POLDIP2: variants seen among roughly 807,000 people sequenced by gnomAD.
POLDIP2 encodes DNA polymerase delta interacting protein 2.
In POLDIP2, 32 loss-of-function variants were observed where a neutral mutation model predicts 52.9. The ratio of observed to expected loss-of-function variants is 0.61; its 90% CI spans 0.46 to 0.81. POLDIP2 has a LOEUF of 0.81. Ranked by LOEUF, POLDIP2 falls within the 40% of genes least tolerant of loss-of-function variation. The pLI is 0.00. For missense variants in POLDIP2, 371 were observed against 477.3 expected, an observed-to-expected ratio of 0.78 and a Z score of 2.07; for synonymous variants, 183 against 183.0, an observed-to-expected ratio of 1.00 and a Z score of 0.00.
chr17:28,349,185 G>A lies in POLDIP2; in HGVS notation c.913-23C>T. On this transcript the variant is annotated intron_variant, in intron 9 of 10. Transcript: ENST00000540200. ...TTCCTGTAAAGGTTTAGGCAAAATG[G>A]GTCAGGCCAAGCCCCAGGGACATGT... is the stretch of plus-strand genomic sequence containing the variant. The A allele has an allele frequency of 2.5e-6, 4 of 1,585,632 alleles. No homozygotes were observed. The South Asian group carries it at 4.5e-5, about 18-fold the overall frequency.
Position 28,350,464 on chromosome 17 carries a change from C to T in POLDIP2, c.886G>A (p.Val296Met). Residue 296 changes from valine (V) to methionine (M), a missense_variant, in exon 9 of 11, where the codon GTG (valine) becomes ATG (methionine). By Grantham distance (21) the Val-to-Met change is conservative. Transcript: ENST00000540200. ...IFSLSGTLET[V>M]RGRGVVGREP... is the part of the protein sequence containing the mutation. ...CTGCCCACTACCCCTCGGCCTCGCA[C>T]TGTCTCCAAGGTGCCAGAGAGACTG... The T allele has an allele frequency of 6.2e-7, 1 of 1,612,262 alleles. No homozygotes were observed. The highest frequency in any genetic ancestry group is 8.5e-7 in the Non-Finnish European group (1 of 1,179,160).
Position 28,354,728 on chromosome 17 carries a change from C to A in POLDIP2, c.244-143G>T, listed in dbSNP as rs927462798. 8.4e-5 allele frequency: 55 copies of A among 653,464 alleles called. No homozygotes were observed. The Admixed American group carries it at 9.4e-4, about 11-fold the overall frequency. 40.5% of individuals were successfully genotyped at this position (653,464 alleles called of 1,614,324 possible). On this transcript the variant is annotated intron_variant, in intron 2 of 10. Transcript: ENST00000540200. ...CCCTTGAAGTCTGTGATCAACCAGA[C>A]CAATGCTGGAACACTCTTATTTCTT...
At position 28,352,237 on chromosome 17, in the gene POLDIP2, C is replaced by CT. The variant is rs782311219; in HGVS notation, c.623-438dup. Among the ~76,000 whole-genome samples the CT allele has an allele frequency of 4.6e-3, 399 of 87,650 alleles. 24 individuals carry two copies. Among genetic ancestry groups the CT allele is most frequent in the Non-Finnish European group, 4.3e-3 (213 of 49,244 alleles). 57.5% of individuals were successfully genotyped at this position (87,650 alleles called of 152,430 possible). ...TGGAAATAGAGCGTTGGAATTATTT[C>CT]TTTTTTTTTTTTTTTTTTGGAGACG... On this transcript the variant is annotated intron_variant, in intron 6 of 10. Transcript: ENST00000540200.
At chr17:28,350,921 G>C (rs1343439013) in intron 7 of POLDIP2, 129 bp from the exon 8 acceptor site, 9 of 778,618 alleles carry the variant, frequency 1.2e-5, no homozygotes, top group Non-Finnish European at 2.0e-5. Flanking sequence ...GTATCTGTGG[G>C]ATAAGGGTGA....
chr17:28,356,487 T>G (rs868943378), intron 1 of POLDIP2, among the ~76,000 whole-genome samples: 2 of 152,268 alleles, frequency 1.3e-5, no homozygotes, highest in Middle Eastern at 3.4e-3. Flanking sequence ...CTGTAGCCCT[T>G]ACATTGCCCT....
Position 28,351,819 on chromosome 17 carries a change from G to T in POLDIP2, c.623-19C>A. The T allele has an allele frequency of 6.2e-7, 1 of 1,610,630 alleles. No homozygotes were observed. The highest frequency in any genetic ancestry group is 8.5e-7 in the Non-Finnish European group (1 of 1,177,140). ...GGAGGTGCTGGGGCAAGATACAATT[G>T]GTTAGTCCAATTGTGTGTTGTGGAT... On this transcript the variant is annotated intron_variant, in intron 6 of 10. Coordinates refer to ENST00000540200, the MANE Select transcript of POLDIP2 (RefSeq NM_015584.5).
chr17:28,354,427 T>G, intron 3 of POLDIP2, 61 bp downstream of exon 3: 1 of 1,181,454 alleles, frequency 8.5e-7, no homozygotes, highest in South Asian at 1.3e-5. Context: ...AGTACCCCAA[T>G]TACATATGTC....
Position 28,350,565 on chromosome 17 carries a change from T to G in POLDIP2, c.787-2A>C. 6.2e-7 allele frequency: 1 copy of G among 1,612,158 alleles called. No individual in the cohort carries two copies. The highest frequency in any genetic ancestry group is 8.5e-7 in the Non-Finnish European group (1 of 1,179,162). ...CTCCAAACGGATACAGTAGCGCCAC[T>G]GAGGTGGGTGTGGGAGAGAGAGTTT... On this transcript the variant is annotated splice_acceptor_variant, in intron 8 of 10. Coordinates refer to ENST00000540200, the MANE Select transcript of POLDIP2 (RefSeq NM_015584.5). LOFTEE classifies it high-confidence loss of function.
chr17:28,353,521 A>C (rs1014358325), intron 4 of POLDIP2, among the ~76,000 whole-genome samples, 174 bp downstream of exon 4: 5 of 46,360 alleles, frequency 1.1e-4, no homozygotes, highest in Non-Finnish European at 1.6e-4. Context: ...ACTCCATATC[A>C]AAAAAAAAAA....
intron 4 of POLDIP2, 39 bp from the exon 5 acceptor site, chr17:28,353,355 T>A: frequency 8.7e-7 from 1 of 1,148,782 alleles, no homozygotes; most frequent in Non-Finnish European, 1.3e-6. Context: ...ACCATGTCTC[T>A]GCTAAAAAGT....
intron 1 of POLDIP2, among the ~76,000 whole-genome samples, chr17:28,356,283 G>A (rs1908024948): frequency 1.3e-5 from 2 of 151,598 alleles, no homozygotes; most frequent in Admixed American, 1.3e-4. Context: ...TATATCACAA[G>A]TCATCAAACA....
chr17:28,351,512 T>A (rs1209138293), intron 7 of POLDIP2, among the ~76,000 whole-genome samples, 152 bp downstream of exon 7: 1 of 152,162 alleles, frequency 6.6e-6, no homozygotes, highest in Non-Finnish European at 1.5e-5. Flanking sequence ...GTCTAGAGGC[T>A]ACTCAACCCC....
Position 28,347,303 on chromosome 17 carries a change from T to C in POLDIP2, c.*814A>G, listed in dbSNP as rs540207132. 2.0e-5 allele frequency: 3 copies of C among 152,346 alleles called. No homozygotes were observed. Among genetic ancestry groups the C allele is most frequent in the African/African-American group, 4.8e-5 (2 of 41,576 alleles). 9.4% of individuals were successfully genotyped at this position (152,346 alleles called of 1,614,324 possible). On this transcript the variant is annotated 3_prime_UTR_variant, in exon 11 of 11. Transcript: ENST00000540200. ...TGCAGCACAATTCATCTCTGGCTCT[T>C]GGAAATCTGAGAGAAGCTCAGGAAG...
chr17:28,350,723 G>A (rs1489651393), intron 8 of POLDIP2, 43 bp downstream of exon 8: 3 of 1,589,438 alleles, frequency 1.9e-6, no homozygotes, highest in African/African-American at 2.7e-5. Context: ...TGACCCCCAG[G>A]CACACCCCAC....
In POLDIP2 at chr17:28,353,318, T is replaced by A; in HGVS notation, c.439-2A>T. On this transcript the variant is annotated splice_acceptor_variant, in intron 4 of 10. Transcript: ENST00000540200. LOFTEE classifies it high-confidence loss of function. The stretch of plus-strand genomic sequence containing the variant: ...AGCTTCTGTCTGAGATCTCTGAGAC[T>A]AAGGCAAGAAGTGAATCAGTGGTGA... 6.4e-7 allele frequency: 1 copy of A among 1,554,066 alleles called. No individual in the cohort carries two copies. The highest frequency in any genetic ancestry group is 8.9e-7 in the Non-Finnish European group (1 of 1,129,318).
rs116183869 is a variant in POLDIP2 at position 28,350,852 on chromosome 17, A to C, written c.760-60T>G. 3 of 1,365,142 alleles carry C rather than the reference A, an allele frequency of 2.2e-6. No individual in the cohort carries two copies. The South Asian group carries it at 3.7e-5, about 17-fold the overall frequency. 84.6% of individuals were successfully genotyped at this position (1,365,142 alleles called of 1,614,324 possible). On this transcript the variant is annotated intron_variant, in intron 7 of 10. Coordinates refer to ENST00000540200, the MANE Select transcript of POLDIP2 (RefSeq NM_015584.5). ...GGGCAAGACCAAGTGTGTTCCAATC[A>C]ACATCTCTCCAGTGCAGTTGATGTA... is the stretch of plus-strand genomic sequence containing the variant.
At position 28,347,983 on chromosome 17, in the gene POLDIP2, A is replaced by C. The variant is rs1555579263; in HGVS notation, c.*134T>G. 3.2e-6 allele frequency: 2 copies of C among 628,818 alleles called. No homozygotes were observed. The highest frequency in any genetic ancestry group is 1.8e-5 in the African/African-American group (1 of 54,168). 39.0% of individuals were successfully genotyped at this position (628,818 alleles called of 1,614,324 possible). A position where few individuals can be genotyped will look rare whatever the true frequency, so the allele number is the denominator to read the frequency against. On this transcript the variant is annotated 3_prime_UTR_variant, in exon 11 of 11. Coordinates refer to ENST00000540200, the MANE Select transcript of POLDIP2 (RefSeq NM_015584.5). ...AAGAAAAGTTATACCACCCCTCCCC[A>C]CAAAAAGAACCCCACAATCAAATTA...
In POLDIP2 at chr17:28,346,707, C is replaced by G. The variant is rs1172338441; in HGVS notation, c.*1410G>C. The G allele has an allele frequency of 1.3e-5, 2 of 152,174 alleles. No individual in the cohort carries two copies. The highest frequency in any genetic ancestry group is 1.3e-4 in the Admixed American group (2 of 15,274). 9.4% of individuals were successfully genotyped at this position (152,174 alleles called of 1,614,324 possible). ...TTCTTTGAAAGTTTCCAGCCCTATT[C>G]AGAAAGCAACTCTTGGCTGTGTGCA... On this transcript the variant is annotated 3_prime_UTR_variant, in exon 11 of 11. Transcript: ENST00000540200.
Position 28,355,799 on chromosome 17 carries a change from C to T in POLDIP2, c.239G>A (p.Gly80Glu). ...ATGACCCAGCCCAATACTCACCTGC[C>T]CGGTCTCATATTTTCCATTCTGTTT... ...VPKQNGKYET[G>E]QLFLHSIFGY... Residue 80 changes from glycine (G) to glutamate (E), a missense_variant, in exon 2 of 11, where the codon GGG (glycine) becomes GAG (glutamate). Coordinates refer to ENST00000540200, the MANE Select transcript of POLDIP2 (RefSeq NM_015584.5). The T allele has an allele frequency of 6.2e-7, 1 of 1,610,826 alleles. No individual in the cohort carries two copies. The highest frequency in any genetic ancestry group is 8.5e-7 in the Non-Finnish European group (1 of 1,178,166).
Sources: allele counts gnomAD v4.1 joint callset (sites outside exome capture counted in the v4.1 genomes callset), GRCh38; gene constraint gnomAD v4.1.1; transcripts MANE v1.5; gene names NCBI Gene and HGNC (gene_info 2026-07-23, HGNC 2026-07-21).